The following UBXN2A variants were observed in gnomAD, a reference collection of about 807,000 sequenced individuals.
UBXN2A encodes the protein UBX domain protein 2A.
In UBXN2A, 28 loss-of-function variants were observed where a neutral mutation model predicts 28.4. That is an observed-to-expected ratio of 0.99 (90% CI 0.73 to 1.35). UBXN2A has a LOEUF of 1.35. Ranked by LOEUF, UBXN2A falls within the 40% of genes most tolerant of loss-of-function variation. UBXN2A has a pLI of 0.00. For synonymous variants in UBXN2A, 97 were observed against 103.6 expected, an observed-to-expected ratio of 0.94 and a Z score of 0.39; for missense variants, 253 against 297.9, an observed-to-expected ratio of 0.85 and a Z score of 1.11.
At chr2:23,950,870 T>A (rs1316012019) in intron 1 of UBXN2A, among the ~76,000 whole-genome samples, 3 of 150,584 alleles carry the variant, frequency 2.0e-5, no homozygotes, top group Non-Finnish European at 4.4e-5. Flanking sequence ...CACCCATGCG[T>A]GGTTCGCCGT....
At chr2:23,942,125 G>A (rs1435639301) in intron 1 of UBXN2A, among the ~76,000 whole-genome samples, 1 of 152,130 alleles carries the variant, frequency 6.6e-6, no homozygotes, top group Admixed American at 6.6e-5. Context: ...ATGCCAATAA[G>A]CAAAGACAGA....
intron 2 of UBXN2A, among the ~76,000 whole-genome samples, chr2:23,969,962 T>TTACCAAAAA (rs1707346054): frequency 6.6e-6 from 1 of 152,228 alleles, no homozygotes; most frequent in African/African-American, 2.4e-5. Flanking sequence ...AAACGCATAG[T>TTACCAAAAA]AATCCCTTTT....
chr2:23,981,492 A>T (rs1707900927), intron 4 of UBXN2A, among the ~76,000 whole-genome samples: 1 of 149,322 alleles, frequency 6.7e-6, no homozygotes, highest in Non-Finnish European at 1.5e-5. Context: ...AAAAAAAAAA[A>T]AAAAAAAAAA....
chr2:23,993,792 A>G lies in UBXN2A; in HGVS notation c.585-5880A>G, dbSNP rs572403099. Among the ~76,000 whole-genome samples, 4 of 151,234 alleles carry G rather than the reference A, an allele frequency of 2.6e-5. No homozygotes were observed. The East Asian group carries it at 5.9e-4, about 22-fold the overall frequency. On this transcript the variant is annotated intron_variant, in intron 6 of 6. Transcript: ENST00000309033. The stretch of plus-strand genomic sequence containing the variant: ...GACCTCTGCCTCCCTGGTTCAAGCA[A>G]TTCTCCTGTCTCAGCTTCCCAAGTA...
chr2:23,952,525 A>G (rs1426508300), intron 1 of UBXN2A, among the ~76,000 whole-genome samples: 3 of 151,772 alleles, frequency 2.0e-5, no homozygotes, highest in Non-Finnish European at 2.9e-5. Flanking sequence ...GCTCACCACA[A>G]TCTCCACCTC....
intron 2 of UBXN2A, among the ~76,000 whole-genome samples, chr2:23,963,702 C>T (rs1479993099): frequency 1.3e-5 from 2 of 151,992 alleles, no homozygotes; most frequent in African/African-American, 4.8e-5. Flanking sequence ...GATGGGGATG[C>T]AAAATGGTGT....
At chr2:23,957,810 G>T (rs1446270648) in intron 1 of UBXN2A, among the ~76,000 whole-genome samples, 3 of 152,068 alleles carry the variant, frequency 2.0e-5, no homozygotes, top group Non-Finnish European at 4.4e-5. Flanking sequence ...CTCCAGCCTG[G>T]GCAACAAGAG....
intron 2 of UBXN2A, among the ~76,000 whole-genome samples, chr2:23,968,415 G>A (rs929235572): frequency 4.6e-5 from 7 of 152,088 alleles, no homozygotes; most frequent in Non-Finnish European, 8.8e-5. Context: ...GGTGGCTCAC[G>A]CCTGTAATCC....
rs548316521 is a variant in UBXN2A, at chr2:23,995,914, G to T, written c.585-3758G>T. ...TTATTTTTTATTTATTTGTTTTTTT[G>T]AGATGAATTCTTGTTCTGTCACCCA... is the stretch of plus-strand genomic sequence containing the variant. On this transcript the variant is annotated intron_variant, in intron 6 of 6. Coordinates refer to ENST00000309033, the MANE Select transcript of UBXN2A (RefSeq NM_181713.4). Among the ~76,000 whole-genome samples, 506 of 151,830 alleles carry T rather than the reference G, an allele frequency of 3.3e-3. 3 individuals carry two copies. The highest frequency in any genetic ancestry group is 0.012 in the African/African-American group (489 of 41,368).
intron 2 of UBXN2A, among the ~76,000 whole-genome samples, chr2:23,961,837 C>T (rs1357022004): frequency 6.7e-6 from 1 of 149,082 alleles, no homozygotes; most frequent in East Asian, 2.0e-4. Context: ...TGAACCACCG[C>T]ACCCGGCCTT....
chr2:23,999,455 CAT>C (rs1558311774), intron 6 of UBXN2A, among the ~76,000 whole-genome samples: 2 of 152,092 alleles, frequency 1.3e-5, no homozygotes, highest in African/African-American at 4.8e-5. Flanking sequence ...TGTTGTGGCT[CAT>C]GCCTGTGATC....
chr2:23,981,257 C>T (rs542528020), intron 4 of UBXN2A, among the ~76,000 whole-genome samples: 1 of 145,846 alleles, frequency 6.9e-6, no homozygotes, highest in East Asian at 2.0e-4. Context: ...TCATTTGATC[C>T]CAGGAATTAA....
chr2:23,971,525 G>A, intron 3 of UBXN2A, 111 bp downstream of exon 3: 1 of 1,236,956 alleles, frequency 8.1e-7, no homozygotes, highest in South Asian at 2.2e-5. Context: ...GTCTTTCTCT[G>A]TCACCCAGAC....
intron 4 of UBXN2A, among the ~76,000 whole-genome samples, chr2:23,982,668 A>C (rs1230209416): frequency 2.6e-5 from 4 of 152,140 alleles, no homozygotes; most frequent in African/African-American, 9.7e-5. Flanking sequence ...AAAATAATAA[A>C]AACTGATGCT....
At chr2:23,945,955 C>T (rs1375689973) in intron 1 of UBXN2A, among the ~76,000 whole-genome samples, 4 of 151,186 alleles carry the variant, frequency 2.6e-5, no homozygotes, top group African/African-American at 4.9e-5. Flanking sequence ...CTCAGCCTCC[C>T]GAGTAGCTGG....
intron 2 of UBXN2A, among the ~76,000 whole-genome samples, chr2:23,961,493 G>A (rs1266640443): frequency 8.0e-6 from 1 of 125,534 alleles, no homozygotes; most frequent in Non-Finnish European, 1.7e-5. Flanking sequence ...TTGTAAAAAT[G>A]TTTTGTTAAA....
intron 1 of UBXN2A, among the ~76,000 whole-genome samples, chr2:23,948,275 C>G (rs1363722859): frequency 1.6e-5 from 2 of 123,820 alleles, no homozygotes; most frequent in Non-Finnish European, 3.3e-5. Flanking sequence ...TTTTTTGAGA[C>G]AGAGTCTCAC....
chr2:23,989,722 GTGAAACTCTATCTCTACAAAAAACACAA>G (rs1708277374), intron 6 of UBXN2A, among the ~76,000 whole-genome samples: 1 of 151,834 alleles, frequency 6.6e-6, no homozygotes, highest in Admixed American at 6.6e-5. Flanking sequence ...GGGCAACATG[GTGAAACTCTATCTCTACAAAAAACACAA>G]AAAGTTGCCA....
chr2:23,960,121 T>G (rs1245427790), intron 2 of UBXN2A, among the ~76,000 whole-genome samples: 1 of 151,940 alleles, frequency 6.6e-6, no homozygotes, highest in Non-Finnish European at 1.5e-5. Flanking sequence ...CTGGGCATGG[T>G]GGCGGGTGCC....
Sources: allele counts gnomAD v4.1 joint callset (sites outside exome capture counted in the v4.1 genomes callset), GRCh38; gene constraint gnomAD v4.1.1; transcripts MANE v1.5; gene names NCBI Gene and HGNC (gene_info 2026-07-23, HGNC 2026-07-21).